ZFX: variants seen among roughly 807,000 people sequenced by gnomAD.
ZFX encodes zinc finger protein X-linked.
For synonymous variants in ZFX, 196 were observed against 226.8 expected (o/e 0.86, Z 1.22); for missense variants, 362 against 628.3 (o/e 0.58, Z 4.53).
chrX:24,173,802 C>T, intron 4 of ZFX: 1 of 425,347 alleles, frequency 2.4e-6, no homozygotes, highest in Non-Finnish European at 4.1e-6. Flanking sequence ...GCCACGTTGC[C>T]CAGGCTGGTC....
chrX:24,172,284 T>C (rs1027222587), intron 3 of ZFX, among the ~76,000 whole-genome samples: 3 of 112,237 alleles, frequency 2.7e-5, no homozygotes, highest in Non-Finnish European at 5.6e-5. Context: ...ACAGAATGTA[T>C]TTTAAGTTGA....
chrX:24,206,800 CAGG>C (rs1219927285), intron 5 of ZFX, among the ~76,000 whole-genome samples: 1 of 110,394 alleles, frequency 9.1e-6, no homozygotes, highest in Non-Finnish European at 1.9e-5. Context: ...TCTAGGCTAC[CAGG>C]AGTTTTCTCT....
rs780005096 is a variant in ZFX at position 24,167,650 on chromosome X, T to C, written c.-28-5065T>C. Among the ~76,000 whole-genome samples the C allele has an allele frequency of 3.3e-3, 369 of 112,052 alleles. 1 individual carries two copies. The highest frequency in any genetic ancestry group is 5.8e-3 in the Non-Finnish European group (309 of 53,124). On this transcript the variant is annotated intron_variant, in intron 3 of 9. Coordinates refer to ENST00000304543, the MANE Select transcript of ZFX (RefSeq NM_003410.4). ...TATGAACTTTTAAAGAAAAATTCAG[T>C]AGATGGGGTGGAGATCAAATTAGCT... is the stretch of plus-strand genomic sequence containing the variant.
Position 24,212,048 on chromosome X carries a change from A to G in ZFX, c.*672A>G, listed in dbSNP as rs778517161. On this transcript the variant is annotated 3_prime_UTR_variant, in exon 10 of 10. Coordinates refer to ENST00000304543, the MANE Select transcript of ZFX (RefSeq NM_003410.4). ...TTTTGTCAGCGTAGCAAACTTTTAG[A>G]AAACCTTATTGAAAAACTGTGCTTG... 98 of 112,558 alleles carry G rather than the reference A, an allele frequency of 8.7e-4. No homozygotes were observed. Among genetic ancestry groups the G allele is most frequent in the African/African-American group, 2.9e-3 (90 of 30,939 alleles). The allele number at this position is 112,558 out of a possible 1,213,427, so 9.3% of individuals were successfully genotyped here.
rs1267012667 is a variant in ZFX, at chrX:24,213,167, A to T, written c.*1791A>T. ...TGATCCACCTGCCTCGGCCTTCCAT[A>T]GTGCTGGGTTTACAGGCGTGAGCCA... On this transcript the variant is annotated 3_prime_UTR_variant, in exon 10 of 10. Coordinates refer to ENST00000304543, the MANE Select transcript of ZFX (RefSeq NM_003410.4). 4 of 112,185 alleles carry T rather than the reference A, an allele frequency of 3.6e-5. No individual in the cohort carries two copies. Among genetic ancestry groups the T allele is most frequent in the Non-Finnish European group, 7.5e-5 (4 of 53,200 alleles). The allele number at this position is 112,185 out of a possible 1,213,427, so 9.2% of individuals were successfully genotyped here.
chrX:24,195,245 G>A (rs183192299), intron 5 of ZFX, among the ~76,000 whole-genome samples: 5 of 110,741 alleles, frequency 4.5e-5, no homozygotes, highest in Non-Finnish European at 7.6e-5. Flanking sequence ...CCAGGCTGGA[G>A]TGCAGTGGCG....
intron 3 of ZFX, 99 bp from the exon 4 acceptor site, chrX:24,172,616 A>G: frequency 1.8e-6 from 1 of 563,603 alleles, no homozygotes; most frequent in Non-Finnish European, 2.6e-6. Flanking sequence ...TTTATCTTTC[A>G]CATAATTTGA....
intron 3 of ZFX, among the ~76,000 whole-genome samples, chrX:24,163,258 CTT>C (rs57785204): frequency 0.018 from 878 of 48,139 alleles, 34 homozygotes; most frequent in East Asian, 0.089. Context: ...CATGGATGTG[CTT>C]TTTTTTTTTT....
Position 24,151,765 on chromosome X carries a change from T to A in ZFX, c.-175T>A, listed in dbSNP as rs1477307217. ...GTTCTCCCGCCTCCCACTGCCCGCC[T>A]GTCACTGCCGTCTGTTCCCTGAGCT... On this transcript the variant is annotated 5_prime_UTR_variant, in exon 2 of 10. Transcript: ENST00000304543. The A allele has an allele frequency of 2.7e-5, 3 of 111,946 alleles. No individual in the cohort carries two copies. Among genetic ancestry groups the A allele is most frequent in the Admixed American group, 9.4e-5 (1 of 10,596 alleles). The allele number at this position is 111,946 out of a possible 1,213,427, so 9.2% of individuals were successfully genotyped here. A position where few individuals can be genotyped will look rare whatever the true frequency, so the allele number is the denominator to read the frequency against.
rs1394073072 is a variant in ZFX, at chrX:24,190,907, TC to T, written c.646+11139del. Among the ~76,000 whole-genome samples the T allele has an allele frequency of 2.7e-5, 3 of 111,833 alleles. No homozygotes were observed. In the East Asian group the frequency reaches 8.3e-4, roughly 31 times the overall value. On this transcript the variant is annotated intron_variant, in intron 5 of 9. Coordinates refer to ENST00000304543, the MANE Select transcript of ZFX (RefSeq NM_003410.4). Reference sequence around the variant, plus strand: ...GAAATGGCAGCAATACTGCTTGACTTCCAGGGTGGTTGTGAGAATGAGAGAT... The same window carrying T: ...GAAATGGCAGCAATACTGCTTGACTTCAGGGTGGTTGTGAGAATGAGAGAT...
intron 9 of ZFX, among the ~76,000 whole-genome samples, chrX:24,209,410 T>C (rs1179522747): frequency 4.4e-5 from 5 of 112,360 alleles, no homozygotes; most frequent in African/African-American, 1.6e-4. Flanking sequence ...ATAAGTACTT[T>C]AGTTCATATG....
At chrX:24,196,902 GGTTT>G (rs1204460328) in intron 5 of ZFX, among the ~76,000 whole-genome samples, 3 of 111,538 alleles carry the variant, frequency 2.7e-5, no homozygotes, top group Non-Finnish European at 3.8e-5. Context: ...GCTGTAGGTT[GGTTT>G]GTTTGTTTGT....
Position 24,203,271 on chromosome X carries a change from C to A in ZFX, c.647-4055C>A, listed in dbSNP as rs557482256. 3.2e-4 allele frequency among the ~76,000 whole-genome samples: 36 copies of A among 112,247 alleles called. No individual in the cohort carries two copies. In the South Asian group the frequency reaches 5.2e-3, roughly 16 times the overall value. Reference sequence around the variant, plus strand: ...TACTACCTCCGTCCTGATTCAAGGCCTCGTCATCTATCACCTGCATTACTG... The same window carrying A: ...TACTACCTCCGTCCTGATTCAAGGCATCGTCATCTATCACCTGCATTACTG... On this transcript the variant is annotated intron_variant, in intron 5 of 9. Transcript: ENST00000304543.
intron 4 of ZFX, among the ~76,000 whole-genome samples, chrX:24,176,701 G>A (rs190556461): frequency 4.5e-5 from 5 of 110,627 alleles, no homozygotes; most frequent in South Asian, 3.8e-4. Context: ...CTAAGTGCTG[G>A]GATTACAAGG....
At chrX:24,160,429 G>A (rs925121479) in intron 3 of ZFX, among the ~76,000 whole-genome samples, 54 of 108,275 alleles carry the variant, frequency 5.0e-4, no homozygotes, top group Non-Finnish European at 1.7e-4. Flanking sequence ...CTCCTGAGTC[G>A]CTGGGATTAC....
intron 3 of ZFX, among the ~76,000 whole-genome samples, chrX:24,172,330 G>A (rs894443563): frequency 8.9e-6 from 1 of 112,031 alleles, no homozygotes; most frequent in African/African-American, 3.2e-5. Context: ...TGGGAACATG[G>A]GGTGTTACAG....
chrX:24,200,277 C>G (rs1308169979), intron 5 of ZFX, among the ~76,000 whole-genome samples: 1 of 111,578 alleles, frequency 9.0e-6, no homozygotes, highest in Non-Finnish European at 1.9e-5. Flanking sequence ...CAGAAAGTAG[C>G]AGAAATGGCT....
chrX:24,181,550 T>TC (rs749307555), intron 5 of ZFX, among the ~76,000 whole-genome samples: 9 of 112,123 alleles, frequency 8.0e-5, no homozygotes, highest in Non-Finnish European at 1.5e-4. Flanking sequence ...CCTTTGCTGA[T>TC]ATTGCTGATA....
intron 5 of ZFX, among the ~76,000 whole-genome samples, chrX:24,187,571 C>T (rs1435841881): frequency 8.9e-6 from 1 of 111,825 alleles, no homozygotes; most frequent in Admixed American, 9.5e-5. Flanking sequence ...TTCCAAACCC[C>T]ATCCTGTTGT....
Sources: gnomAD v4.1 joint callset for allele counts (sites outside exome capture counted in the v4.1 genomes callset) on GRCh38, gnomAD v4.1.1 for gene constraint, MANE v1.5 for transcripts, NCBI Gene and HGNC (gene_info 2026-07-23, HGNC 2026-07-21) for gene names.